The following GRIK2 variants were observed in gnomAD, a reference collection of about 807,000 sequenced individuals.
GRIK2 encodes the protein glutamate ionotropic receptor kainate type subunit 2.
GRIK2 carries 32 observed loss-of-function variants against 100.3 expected under a neutral mutation model. The ratio of observed to expected loss-of-function variants is 0.32; its 90% CI spans 0.24 to 0.43. The LOEUF (loss-of-function observed/expected upper bound fraction) is 0.43, where lower values mean the gene tolerates loss of function less well. Ranked by LOEUF, GRIK2 falls within the 20% of genes least tolerant of loss-of-function variation. The pLI, the probability that GRIK2 is intolerant of heterozygous loss-of-function variation, is 1.00. For missense variants in GRIK2, 843 were observed against 1,114.9 expected, an observed-to-expected ratio of 0.76 and a Z score of 3.47; for synonymous variants, 417 against 389.4, an observed-to-expected ratio of 1.07 and a Z score of -0.83.
intron 14 of GRIK2, among the ~76,000 whole-genome samples, chr6:101,952,931 T>C (rs1455575521): frequency 1.3e-5 from 2 of 152,184 alleles, no homozygotes; most frequent in Non-Finnish European, 2.9e-5. Context: ...TCATTAACAA[T>C]CATTCCCCAT....
chr6:102,005,317 A>G (rs1249089842), intron 14 of GRIK2, among the ~76,000 whole-genome samples: 1 of 152,002 alleles, frequency 6.6e-6, no homozygotes, highest in Non-Finnish European at 1.5e-5. Flanking sequence ...AAAGATTAAT[A>G]TATAATCTAT....
At chr6:101,719,294 G>A (rs1259816160) in intron 7 of GRIK2, among the ~76,000 whole-genome samples, 3 of 151,488 alleles carry the variant, frequency 2.0e-5, no homozygotes, top group Non-Finnish European at 1.5e-5. Context: ...ATTGGTTGCT[G>A]TTTTGCTTTC....
At chr6:101,614,297 C>T (rs73761365) in intron 2 of GRIK2, among the ~76,000 whole-genome samples, 3,393 of 151,652 alleles carry the variant, frequency 0.022, 136 homozygotes, top group African/African-American at 0.076. Flanking sequence ...CTTTTCCCCC[C>T]AAACTTTTAT....
chr6:101,711,862 C>G (rs1773719505), intron 7 of GRIK2, among the ~76,000 whole-genome samples: 1 of 151,728 alleles, frequency 6.6e-6, no homozygotes, highest in Admixed American at 6.6e-5. Context: ...CAGTAAATAA[C>G]ATTTTTTTCC....
At chr6:101,852,005 T>A (rs1784160875) in intron 10 of GRIK2, among the ~76,000 whole-genome samples, 1 of 150,400 alleles carries the variant, frequency 6.6e-6, no homozygotes, top group African/African-American at 2.4e-5. Context: ...AGTTTTTTCA[T>A]AATAGATATA....
chr6:101,720,139 T>A (rs956435836), intron 7 of GRIK2, among the ~76,000 whole-genome samples: 1 of 151,892 alleles, frequency 6.6e-6, no homozygotes. Flanking sequence ...TCACTCATCC[T>A]CTAGGGAGCT....
At chr6:101,620,045 C>A (rs369792031) in intron 2 of GRIK2, 2 of 152,170 alleles carry the variant, frequency 1.3e-5, no homozygotes, top group African/African-American at 4.8e-5. Flanking sequence ...AACATTTATT[C>A]TTTATTGCAA....
At chr6:101,565,680 A>G (rs980937917) in intron 2 of GRIK2, among the ~76,000 whole-genome samples, 1 of 151,734 alleles carries the variant, frequency 6.6e-6, no homozygotes, top group Non-Finnish European at 1.5e-5. Flanking sequence ...ATCAAATTCT[A>G]CCTGTGTCAG....
At chr6:101,592,278 T>C (rs1397808968) in intron 2 of GRIK2, among the ~76,000 whole-genome samples, 2 of 151,780 alleles carry the variant, frequency 1.3e-5, no homozygotes, top group African/African-American at 4.8e-5. Flanking sequence ...GTGGATATTA[T>C]TGTGCAGGAA....
chr6:101,761,389 C>A (rs1418896190), intron 7 of GRIK2, among the ~76,000 whole-genome samples: 3 of 151,994 alleles, frequency 2.0e-5, no homozygotes, highest in African/African-American at 7.2e-5. Context: ...TAAGTTAATA[C>A]AGGTTCCCCT....
chr6:101,706,457 A>G (rs1432879478), intron 7 of GRIK2, among the ~76,000 whole-genome samples: 1 of 151,894 alleles, frequency 6.6e-6, no homozygotes, highest in Non-Finnish European at 1.5e-5. Context: ...TTTATTTTAT[A>G]TTATGAGTAT....
rs2128235203 is a variant in GRIK2 at position 101,399,075 on chromosome 6, G to A, written c.-203G>A. On this transcript the variant is annotated 5_prime_UTR_variant, in exon 2 of 17. An upstream open reading frame in the 5' UTR gains an earlier in-frame stop. Transcript: ENST00000369134. ...GGATGTCCCACCATTCCTTGCAGTGGAAGGTTGTTCCTTGGCGCAGTGAGT... is the reference window on the plus strand; with the variant it reads ...GGATGTCCCACCATTCCTTGCAGTGAAAGGTTGTTCCTTGGCGCAGTGAGT... 3.9e-6 allele frequency: 2 copies of A among 516,066 alleles called. No homozygotes were observed. The highest frequency in any genetic ancestry group is 6.9e-6 in the Non-Finnish European group (2 of 290,462). The allele number at this position is 516,066 out of a possible 1,614,324, so 32.0% of individuals were successfully genotyped here. A position where few individuals can be genotyped will look rare whatever the true frequency, so the allele number is the denominator to read the frequency against.
At chr6:101,801,603 T>C (rs983659045) in intron 8 of GRIK2, among the ~76,000 whole-genome samples, 6 of 152,154 alleles carry the variant, frequency 3.9e-5, no homozygotes, top group African/African-American at 1.4e-4. Flanking sequence ...TGAAAATTTC[T>C]GTATTTAACT....
At chr6:101,957,437 G>T (rs1328962994) in intron 14 of GRIK2, among the ~76,000 whole-genome samples, 1 of 150,876 alleles carries the variant, frequency 6.6e-6, no homozygotes, top group African/African-American at 2.4e-5. Flanking sequence ...CCATTCTGTA[G>T]GTTATTAGTC....
intron 4 of GRIK2, among the ~76,000 whole-genome samples, chr6:101,664,305 T>C (rs147019572): frequency 1.8e-3 from 271 of 152,282 alleles, no homozygotes; most frequent in Admixed American, 4.1e-3. Flanking sequence ...ATAGGATGGG[T>C]CTAGGCTTTG....
intron 2 of GRIK2, among the ~76,000 whole-genome samples, chr6:101,561,075 C>A (rs1339443923): frequency 6.6e-6 from 1 of 152,152 alleles, no homozygotes; most frequent in Non-Finnish European, 1.5e-5. Flanking sequence ...TAGACCCCAG[C>A]AGCAGATTTT....
chr6:101,802,936 A>G (rs1780763246), intron 9 of GRIK2, among the ~76,000 whole-genome samples: 1 of 151,864 alleles, frequency 6.6e-6, no homozygotes. Context: ...CACTGGATCT[A>G]TCTTACTTGA....
chr6:101,448,115 T>G (rs1268769409), intron 2 of GRIK2, among the ~76,000 whole-genome samples: 1 of 151,744 alleles, frequency 6.6e-6, no homozygotes, highest in Non-Finnish European at 1.5e-5. Flanking sequence ...ATGTACTGTT[T>G]TAGAGTTAGT....
chr6:101,622,738 A>C (rs578209176), intron 3 of GRIK2, among the ~76,000 whole-genome samples: 1 of 152,114 alleles, frequency 6.6e-6, no homozygotes, highest in African/African-American at 2.4e-5. Flanking sequence ...TCATGTTATA[A>C]CTGTTGTAAA....
Sources: gnomAD v4.1 joint callset for allele counts (sites outside exome capture counted in the v4.1 genomes callset) on GRCh38, gnomAD v4.1.1 for gene constraint, MANE v1.5 for transcripts, NCBI Gene and HGNC (gene_info 2026-07-23, HGNC 2026-07-21) for gene names.